PYGB: variants seen among roughly 807,000 people sequenced by gnomAD.
The protein encoded by PYGB is glycogen phosphorylase B.
A neutral mutation model predicts 94.3 loss-of-function variants in PYGB; 82 were observed. The ratio of observed to expected loss-of-function variants is 0.87; its 90% CI spans 0.73 to 1.04. PYGB has a LOEUF of 1.04. Ranked by LOEUF, PYGB falls within the 50% of genes least tolerant of loss-of-function variation. PYGB has a pLI of 0.00. For missense variants in PYGB, 1,132 were observed against 1,158.2 expected, an observed-to-expected ratio of 0.98 and a Z score of 0.33; for synonymous variants, 488 against 479.1, an observed-to-expected ratio of 1.02 and a Z score of -0.24.
At position 25,268,281 on chromosome 20, in the gene PYGB, A is replaced by C. The variant is rs116719691; in HGVS notation, c.346-848A>C. The stretch of plus-strand genomic sequence containing the variant: ...CTGAATCAAATTACTGTATGTGTCA[A>C]TATCATTCAGTTGACTTAGTGTATA... On this transcript the variant is annotated intron_variant, in intron 2 of 19. Coordinates refer to ENST00000216962, the MANE Select transcript of PYGB (RefSeq NM_002862.4). Among the ~76,000 whole-genome samples the C allele has an allele frequency of 4.1e-3, 626 of 151,072 alleles. 5 individuals are homozygous for C. The highest frequency in any genetic ancestry group is 0.015 in the African/African-American group (607 of 41,094).
intron 9 of PYGB, 100 bp downstream of exon 9, chr20:25,279,249 G>GGA (rs1384904353): frequency 2.4e-6 from 3 of 1,270,302 alleles, no homozygotes. Flanking sequence ...CCTGGCCTTG[G>GGA]GAGAGCTGTG....
At chr20:25,253,896 A>G (rs1458483865) in intron 1 of PYGB, among the ~76,000 whole-genome samples, 3 of 149,158 alleles carry the variant, frequency 2.0e-5, no homozygotes, top group African/African-American at 7.8e-5. Context: ...ACAAGGTGAA[A>G]CCCCTTCTTT....
At chr20:25,257,092 A>G (rs1418991346) in intron 1 of PYGB, among the ~76,000 whole-genome samples, 1 of 152,072 alleles carries the variant, frequency 6.6e-6, no homozygotes, top group Non-Finnish European at 1.5e-5. Context: ...TCAAGTCTGC[A>G]TTTTCTTGGC....
At chr20:25,271,165 C>A (rs568953400) in intron 3 of PYGB, among the ~76,000 whole-genome samples, 2 of 152,232 alleles carry the variant, frequency 1.3e-5, no homozygotes, top group South Asian at 2.1e-4. Context: ...CATCCCCCCC[C>A]ATCCTCCCAC....
intron 2 of PYGB, among the ~76,000 whole-genome samples, chr20:25,268,443 T>C (rs1439933167): frequency 1.3e-5 from 2 of 152,150 alleles, no homozygotes; most frequent in African/African-American, 4.8e-5. Context: ...GTATTGGGTT[T>C]ATTATTTTTA....
intron 1 of PYGB, among the ~76,000 whole-genome samples, chr20:25,251,474 T>C (rs2092887955): frequency 6.6e-6 from 1 of 152,238 alleles, no homozygotes; most frequent in Non-Finnish European, 1.5e-5. Context: ...TCATATTGAA[T>C]TGACATTCCA....
intron 17 of PYGB, 139 bp downstream of exon 17, chr20:25,292,752 C>G: frequency 8.5e-7 from 1 of 1,174,794 alleles, no homozygotes; most frequent in Non-Finnish European, 1.2e-6. Context: ...GGCTGTGTGC[C>G]TGCCTGCAGG....
chr20:25,248,557 C>G, intron 1 of PYGB, 136 bp downstream of exon 1: 19 of 1,143,884 alleles, frequency 1.7e-5, no homozygotes, highest in Non-Finnish European at 2.1e-5. Flanking sequence ...CCAGGCACAG[C>G]CGACTGGGGA....
chr20:25,262,882 A>G (rs2092916783), intron 2 of PYGB, among the ~76,000 whole-genome samples: 3 of 152,234 alleles, frequency 2.0e-5, no homozygotes, highest in Admixed American at 1.3e-4. Context: ...CCATTACTTA[A>G]TGGTAAAGGG....
chr20:25,276,022 C>A (rs545829509), intron 5 of PYGB, among the ~76,000 whole-genome samples: 1 of 152,174 alleles, frequency 6.6e-6, no homozygotes, highest in African/African-American at 2.4e-5. Context: ...GCTTTGTGAG[C>A]CCCCTCCTGC....
chr20:25,261,536 A>G (rs770425957), intron 2 of PYGB, among the ~76,000 whole-genome samples: 10 of 152,388 alleles, frequency 6.6e-5, no homozygotes, highest in East Asian at 1.9e-4. Context: ...GGGAGAAACC[A>G]GAGCAGAAAA....
chr20:25,254,637 A>G (rs1433805662), intron 1 of PYGB, among the ~76,000 whole-genome samples: 4 of 152,244 alleles, frequency 2.6e-5, no homozygotes, highest in Non-Finnish European at 5.9e-5. Flanking sequence ...AACAGTTAAA[A>G]TGAAAGATTA....
chr20:25,292,255 G>A (rs2088474211), intron 16 of PYGB, 151 bp from the exon 17 acceptor site: 1 of 866,328 alleles, frequency 1.2e-6, no homozygotes, highest in Non-Finnish European at 1.7e-6. Context: ...GGCCCCTGTG[G>A]GAGCGGGAGT....
rs2088479670 is a variant in PYGB, at chr20:25,292,622, C to T, written c.2177+9C>T. On this transcript the variant is annotated intron_variant, in intron 17 of 19. Coordinates refer to ENST00000216962, the MANE Select transcript of PYGB (RefSeq NM_002862.4). ...GCCTTGGACCGGAAAGGGTGCGAGC[C>T]TGTGCCCCTGGGCACCTGGCACCGT... 5 of 1,608,486 alleles carry T rather than the reference C, an allele frequency of 3.1e-6. No individual in the cohort carries two copies. The East Asian group carries it at 1.1e-4, about 36-fold the overall frequency.
Position 25,297,833 on chromosome 20 carries a change from G to A in PYGB, c.*1311G>A, listed in dbSNP as rs1172951207. The A allele has an allele frequency of 6.6e-6, 1 of 152,118 alleles. No homozygotes were observed. The highest frequency in any genetic ancestry group is 1.5e-5 in the Non-Finnish European group (1 of 68,044). 9.4% of individuals were successfully genotyped at this position (152,118 alleles called of 1,614,324 possible). On this transcript the variant is annotated 3_prime_UTR_variant, in exon 20 of 20. Coordinates refer to ENST00000216962, the MANE Select transcript of PYGB (RefSeq NM_002862.4). ...AGCACTACAGCCTTTTATTGAGTGGGGCAAGTGCTGGGCTGTGGTCGTGCC... is the reference window on the plus strand; with the variant it reads ...AGCACTACAGCCTTTTATTGAGTGGAGCAAGTGCTGGGCTGTGGTCGTGCC...
Position 25,248,098 on chromosome 20 carries a change from C to G in PYGB, c.-81C>G. ...GTGCCGGGCGCCAGAGCAGCGGCGC[C>G]AGAGCAGCTGCACCATCCCGGCGTT... On this transcript the variant is annotated 5_prime_UTR_variant, in exon 1 of 20. Coordinates refer to ENST00000216962, the MANE Select transcript of PYGB (RefSeq NM_002862.4). 1 of 1,407,110 alleles carries G rather than the reference C, an allele frequency of 7.1e-7. No individual in the cohort carries two copies. Among genetic ancestry groups the G allele is most frequent in the Admixed American group, 2.6e-5 (1 of 37,944 alleles). 87.2% of individuals were successfully genotyped at this position (1,407,110 alleles called of 1,614,324 possible). A position where few individuals can be genotyped will look rare whatever the true frequency, so the allele number is the denominator to read the frequency against.
intron 2 of PYGB, among the ~76,000 whole-genome samples, chr20:25,267,371 A>G (rs2088227299): frequency 6.6e-6 from 1 of 152,130 alleles, no homozygotes; most frequent in Admixed American, 6.5e-5. Flanking sequence ...TGGTTGCACA[A>G]CTCTGTGAAC....
intron 16 of PYGB, 83 bp from the exon 17 acceptor site, chr20:25,292,323 G>A (rs2088475108): frequency 1.3e-6 from 2 of 1,499,736 alleles, no homozygotes; most frequent in African/African-American, 2.7e-5. Flanking sequence ...CGGGTGGATG[G>A]GCCGGCTTGT....
chr20:25,291,864 TCA>T (rs1491192012), intron 16 of PYGB, among the ~76,000 whole-genome samples: 5 of 152,076 alleles, frequency 3.3e-5, no homozygotes, highest in Non-Finnish European at 5.9e-5. Context: ...GTGTGTGCAC[TCA>T]CAGCGTGTCT....
Sources: gnomAD v4.1 joint callset for allele counts (sites outside exome capture counted in the v4.1 genomes callset) on GRCh38, gnomAD v4.1.1 for gene constraint, MANE v1.5 for transcripts, NCBI Gene and HGNC (gene_info 2026-07-23, HGNC 2026-07-21) for gene names.